Variants in MALRD1 observed in about 807,000 individuals in gnomAD.
MALRD1 encodes MAM and LDL receptor class A domain containing 1, also known as MAM and LDL-receptor class A domain-containing protein 1.
MALRD1 carries 247 observed loss-of-function variants against 242.1 expected under a neutral mutation model. That is an observed-to-expected ratio of 1.02 (90% CI 0.92 to 1.13). MALRD1 has a LOEUF of 1.13. MALRD1 is among the 50% of genes most tolerant of loss of function. The pLI is 0.00. For synonymous variants in MALRD1, 995 were observed against 866.6 expected (o/e 1.15, Z -2.60); for missense variants, 2,989 against 2,533.1 (o/e 1.18, Z -3.86).
At chr10:19,497,954 G>T (rs898557926) in intron 30 of MALRD1, among the ~76,000 whole-genome samples, 2 of 152,162 alleles carry the variant, frequency 1.3e-5, no homozygotes, top group African/African-American at 4.8e-5. Flanking sequence ...TTTTAGAAGA[G>T]AATTTCTTTC....
At chr10:19,150,339 A>G (rs531238723) in intron 11 of MALRD1, among the ~76,000 whole-genome samples, 25 of 152,032 alleles carry the variant, frequency 1.6e-4, no homozygotes, top group African/African-American at 5.8e-4. Context: ...TTACCCCCAG[A>G]CTCAGGTAGT....
chr10:19,651,421 A>T (rs16919233), intron 36 of MALRD1, among the ~76,000 whole-genome samples: 15,179 of 152,148 alleles, frequency 0.1, 1,913 homozygotes, highest in African/African-American at 0.29. Context: ...AGGTAGGCCA[A>T]TGCATCCTAC....
intron 1 of MALRD1, among the ~76,000 whole-genome samples, chr10:19,050,083 C>CTTT (rs34692209): frequency 5.8e-3 from 527 of 90,504 alleles, no homozygotes; most frequent in Non-Finnish European, 7.8e-3. Context: ...CATATGTCTT[C>CTTT]TTTTTTTTTT....
intron 5 of MALRD1, among the ~76,000 whole-genome samples, chr10:19,122,626 T>G (rs1262812328): frequency 6.6e-6 from 1 of 151,842 alleles, no homozygotes; most frequent in African/African-American, 2.4e-5. Context: ...TTTAGGAAGA[T>G]CAGAGGGAGA....
At chr10:19,380,824 C>A (rs1408460960) in intron 26 of MALRD1, among the ~76,000 whole-genome samples, 1 of 151,872 alleles carries the variant, frequency 6.6e-6, no homozygotes, top group Non-Finnish European at 1.5e-5. Flanking sequence ...GTACTGCTTT[C>A]TTTACTGGAA....
At chr10:19,345,617 G>A (rs968466400) in intron 24 of MALRD1, among the ~76,000 whole-genome samples, 42 of 151,760 alleles carry the variant, frequency 2.8e-4, no homozygotes, top group African/African-American at 6.5e-4. Context: ...TTAGCAATTC[G>A]ATTTTTAAAA....
intron 18 of MALRD1, among the ~76,000 whole-genome samples, chr10:19,239,984 C>G (rs1244218649): frequency 6.6e-6 from 1 of 151,984 alleles, no homozygotes; most frequent in Non-Finnish European, 1.5e-5. Flanking sequence ...TATTTGGGGC[C>G]TTTTCTGGTT....
chr10:19,527,671 A>G lies in MALRD1; in HGVS notation c.5321-3523A>G, dbSNP rs1437930164. ...AAATAGAAATAACTTATACAAACAT[A>G]TTAGTTATTTAACTATTTGGGACAA... is the stretch of plus-strand genomic sequence containing the variant. On this transcript the variant is annotated intron_variant, in intron 31 of 39. Transcript: ENST00000454679. 1.3e-5 allele frequency among the ~76,000 whole-genome samples: 2 copies of G among 152,212 alleles called. 1 individual carries two copies. Among genetic ancestry groups the G allele is most frequent in the East Asian group, 3.8e-4 (2 of 5,198 alleles).
rs532397910 is a variant in MALRD1, at chr10:19,673,484, T to C, written c.6138-18798T>C. Reference sequence around the variant, plus strand: ...GTGTTCACTAAATGCTGCAGCACCATATACTCTTATATTCAGATTGCCAGT... The same window carrying C: ...GTGTTCACTAAATGCTGCAGCACCACATACTCTTATATTCAGATTGCCAGT... On this transcript the variant is annotated intron_variant, in intron 36 of 39. Transcript: ENST00000454679. Among the ~76,000 whole-genome samples the C allele has an allele frequency of 2.6e-5, 4 of 152,336 alleles. No homozygotes were observed. In the South Asian group the frequency reaches 8.3e-4, roughly 32 times the overall value.
At chr10:19,598,069 T>A (rs1352606871) in intron 34 of MALRD1, among the ~76,000 whole-genome samples, 1 of 152,118 alleles carries the variant, frequency 6.6e-6, no homozygotes, top group Non-Finnish European at 1.5e-5. Context: ...GCCAGTGCTA[T>A]ATAACGGTAC....
rs560684820 is a variant in MALRD1 at position 19,237,643 on chromosome 10, AATT to A, written c.2992-20035_2992-20033del. Among the ~76,000 whole-genome samples, 4 of 102,374 alleles carry A rather than the reference AATT, an allele frequency of 3.9e-5. No homozygotes were observed. In the Admixed American group the frequency reaches 4.0e-4, roughly 10 times the overall value. 67.2% of individuals were successfully genotyped at this position (102,374 alleles called of 152,430 possible). On this transcript the variant is annotated intron_variant, in intron 18 of 39. Transcript: ENST00000454679. ...AATTATATAATTATAATTATATATAAATTATTATAATTATATATAAATTATATA... is the reference window on the plus strand; with the variant it reads ...AATTATATAATTATAATTATATATAAATTATAATTATATATAAATTATATA...
intron 36 of MALRD1, among the ~76,000 whole-genome samples, chr10:19,682,979 C>T (rs191616149): frequency 6.3e-4 from 96 of 152,172 alleles, no homozygotes; most frequent in Middle Eastern, 3.4e-3. Flanking sequence ...GGATCAAAAG[C>T]CTCCAGCCTA....
At chr10:19,249,222 AGTT>A in intron 18 of MALRD1, among the ~76,000 whole-genome samples, 1 of 151,764 alleles carries the variant, frequency 6.6e-6, no homozygotes, top group East Asian at 1.9e-4. Context: ...TGCAGGCATA[AGTT>A]GGGGAATGGA....
At chr10:19,422,986 G>C (rs1256395684) in intron 28 of MALRD1, among the ~76,000 whole-genome samples, 1 of 152,146 alleles carries the variant, frequency 6.6e-6, no homozygotes, top group Non-Finnish European at 1.5e-5. Flanking sequence ...CCTACGAAGC[G>C]AGATTCTTAA....
intron 18 of MALRD1, among the ~76,000 whole-genome samples, chr10:19,237,615 TATAATTATATAATTATAATTATATATA>T (rs1838398875): frequency 1.6e-4 from 3 of 18,964 alleles, no homozygotes; most frequent in South Asian, 1.6e-3. Context: ...ATTATAATTA[TATAATTATATAATTATAATTATATATA>T]AATTATTATA....
chr10:19,059,290 G>A (rs1834753233), intron 1 of MALRD1, among the ~76,000 whole-genome samples: 1 of 151,182 alleles, frequency 6.6e-6, no homozygotes, highest in Non-Finnish European at 1.5e-5. Context: ...TAAAATATGA[G>A]CTGGAATTAT....
chr10:19,047,952 G>A (rs1054219833), upstream of MALRD1, among the ~76,000 whole-genome samples: 1 of 152,076 alleles, frequency 6.6e-6, no homozygotes, highest in Non-Finnish European at 1.5e-5. Flanking sequence ...ATCCCCTTAA[G>A]AAATCAAATA....
chr10:19,495,003 G>A (rs1175689557), intron 30 of MALRD1, among the ~76,000 whole-genome samples: 1 of 149,220 alleles, frequency 6.7e-6, no homozygotes, highest in Non-Finnish European at 1.5e-5. Context: ...GTAAGACAGA[G>A]TCTTGCTTTG....
intron 28 of MALRD1, among the ~76,000 whole-genome samples, chr10:19,436,254 T>G (rs148117878): frequency 6.6e-6 from 1 of 152,290 alleles, no homozygotes; most frequent in Non-Finnish European, 1.5e-5. Flanking sequence ...CTGACAGAGC[T>G]AAGAGACCTG....
Sources: allele counts gnomAD v4.1 joint callset (sites outside exome capture counted in the v4.1 genomes callset), GRCh38; gene constraint gnomAD v4.1.1; transcripts MANE v1.5; gene names NCBI Gene and HGNC (gene_info 2026-07-23, HGNC 2026-07-21).